SLC38A10: variants seen among roughly 807,000 people sequenced by gnomAD.
SLC38A10 encodes solute carrier family 38 member 10.
Under a neutral mutation model 81.0 loss-of-function variants are expected in SLC38A10, and 53 were observed. The ratio of observed to expected loss-of-function variants is 0.65; its 90% CI spans 0.53 to 0.82. SLC38A10 has a LOEUF of 0.82. Among genes scored for constraint, SLC38A10 ranks in the 40% least tolerant of loss-of-function variants. SLC38A10 has a pLI of 0.00. For missense variants in SLC38A10, 1,471 were observed against 1,545.0 expected, an observed-to-expected ratio of 0.95 and a Z score of 0.80; for synonymous variants, 665 against 655.3, an observed-to-expected ratio of 1.01 and a Z score of -0.23.
intron 11 of SLC38A10, among the ~76,000 whole-genome samples, chr17:81,254,435 T>G (rs141752668): frequency 6.6e-6 from 1 of 152,348 alleles, no homozygotes; most frequent in Non-Finnish European, 1.5e-5. Context: ...GCTCTACAGT[T>G]TAGTTAAAGT....
At chr17:81,248,046 C>T (rs1306033621) in intron 14 of SLC38A10, among the ~76,000 whole-genome samples, 1 of 148,582 alleles carries the variant, frequency 6.7e-6, no homozygotes, top group Non-Finnish European at 1.5e-5. Flanking sequence ...CAAGCTCCGC[C>T]TCCCGGGTTC....
intron 1 of SLC38A10, among the ~76,000 whole-genome samples, chr17:81,290,883 G>A (rs577885131): frequency 1.3e-5 from 2 of 152,280 alleles, no homozygotes; most frequent in Non-Finnish European, 2.9e-5. Flanking sequence ...GTGTGTGCCT[G>A]TAATCCCAGC....
chr17:81,252,996 C>A (rs376700058), intron 12 of SLC38A10, 77 bp downstream of exon 12: 1 of 1,541,042 alleles, frequency 6.5e-7, no homozygotes, highest in Admixed American at 1.7e-5. Context: ...TGAGAGCCAC[C>A]CCGCAGGGTG....
intron 10 of SLC38A10, among the ~76,000 whole-genome samples, chr17:81,262,749 G>A (rs891371466): frequency 3.3e-5 from 5 of 152,206 alleles, no homozygotes; most frequent in African/African-American, 4.8e-5. Flanking sequence ...AGCAAGACCC[G>A]GCCCCTCCAG....
In SLC38A10 at chr17:81,253,280, A is replaced by C. The variant is rs374440954; in HGVS notation, c.1289-40T>G. 307 of 1,601,452 alleles carry C rather than the reference A, an allele frequency of 1.9e-4. No individual in the cohort carries two copies. The highest frequency in any genetic ancestry group is 2.3e-4 in the Non-Finnish European group (266 of 1,171,360). ...CAGTTAGGGAACTGCACTGCCAAGC[A>C]GCTCCAGGAGCGGGGCAGCTCTCCC... is the stretch of plus-strand genomic sequence containing the variant. On this transcript the variant is annotated intron_variant, in intron 11 of 15. Coordinates refer to ENST00000374759, the MANE Select transcript of SLC38A10 (RefSeq NM_001037984.3). The surrounding 1 kb of genome is among the most constrained non-coding windows in gnomAD (Gnocchi z 4.1).
rs769188143 is a variant in SLC38A10 at position 81,246,545 on chromosome 17, G to T, written c.2371C>A (p.Arg791Ser). The change falls in exon 16 of 16, where the codon CGC (arginine) becomes AGC (serine). Residue 791 changes from arginine (R) to serine (S), a missense_variant. By Grantham distance (110) the Arg-to-Ser change is moderately radical. Coordinates refer to ENST00000374759, the MANE Select transcript of SLC38A10 (RefSeq NM_001037984.3). ...TTAAGGTCCTGGGATGGAGCAGGGC[G>T]GCCCCCAGGAGCTCTGAGGACAGGG... is the stretch of plus-strand genomic sequence containing the variant. ...LDPVLRAPGG[R>S]PAPSQDLNQR... 2 of 1,517,222 alleles carry T rather than the reference G, an allele frequency of 1.3e-6. No individual in the cohort carries two copies. The highest frequency in any genetic ancestry group is 8.8e-7 in the Non-Finnish European group (1 of 1,134,422). The allele number at this position is 1,517,222 out of a possible 1,614,324, so 94.0% of individuals were successfully genotyped here.
Position 81,246,875 on chromosome 17 carries a change from C to T in SLC38A10, c.2242+10G>A. ...GGCCCCACCCCACTCCATCCGCCAG[C>T]CCGGCCTACCCTGCCTGGGTTTATC... On this transcript the variant is annotated intron_variant, in intron 15 of 15. Transcript: ENST00000374759. 6.3e-7 allele frequency: 1 copy of T among 1,577,766 alleles called. No homozygotes were observed. The highest frequency in any genetic ancestry group is 8.6e-7 in the Non-Finnish European group (1 of 1,158,592).
chr17:81,294,734 C>A, intron 1 of SLC38A10, 89 bp downstream of exon 1: 2 of 1,250,516 alleles, frequency 1.6e-6, no homozygotes, highest in Non-Finnish European at 1.1e-6. Context: ...AAGCCCTGCC[C>A]CGGCGGGAAC....
intron 11 of SLC38A10, among the ~76,000 whole-genome samples, chr17:81,259,527 G>A (rs2063002236): frequency 6.6e-6 from 1 of 152,192 alleles, no homozygotes; most frequent in Non-Finnish European, 1.5e-5. Context: ...TGCCTGCAGG[G>A]CCGCCTTGTG....
rs1172045396 is a variant in SLC38A10, at chr17:81,270,154, C to CAG, written c.1131+762_1131+763dup. ...GCCTGGAAGGTCCTGGGTGCAGGGA[C>CAG]AGAGGCCTTGAGCCTGGCTGGGAGT... is the stretch of plus-strand genomic sequence containing the variant. On this transcript the variant is annotated intron_variant, in intron 10 of 15. Coordinates refer to ENST00000374759, the MANE Select transcript of SLC38A10 (RefSeq NM_001037984.3). The surrounding 1 kb of genome is among the most constrained non-coding windows in gnomAD (Gnocchi z 4.0). Among the ~76,000 whole-genome samples, 1 of 152,172 alleles carries CAG rather than the reference C, an allele frequency of 6.6e-6. No homozygotes were observed. The highest frequency in any genetic ancestry group is 1.9e-4 in the East Asian group (1 of 5,190).
At position 81,280,638 on chromosome 17, in the gene SLC38A10, G is replaced by A; in HGVS notation, c.597C>T (p.Pro199=). The A allele has an allele frequency of 6.2e-7, 1 of 1,612,734 alleles. No homozygotes were observed. Among genetic ancestry groups the A allele is most frequent in the South Asian group, 1.1e-5 (1 of 91,032 alleles). The change falls in exon 6 of 16, where the codon CCC becomes CCT. Residue 199 remains proline, a synonymous_variant. Transcript: ENST00000374759. ...VRWEGVFRCI[P]IFGMSFACQS... ...GGCAGGCGAAGGACATGCCGAAGAT[G>A]GGGATGCAGCGGAAGACGCCCTCCC... is the stretch of plus-strand genomic sequence containing the variant.
rs781674134 is a variant in SLC38A10, at chr17:81,283,464, T to G, written c.302A>C (p.Tyr101Ser). The stretch of plus-strand genomic sequence containing the variant: ...GGACCCCAAGTCGCCGATCACGACG[T>G]AGAAGGCGATGCAGGTGCCCAGCAT... ...GLMLGTCIAFYVVIGDLGSNF... is the reference protein window; with the variant it reads ...GLMLGTCIAFSVVIGDLGSNF... Residue 101 changes from tyrosine (Y) to serine (S), a missense_variant, in exon 4 of 16, where the codon TAC becomes TCC. Physicochemically the swap from Tyr to Ser is moderately radical, Grantham distance 144 (BLOSUM62 -2). This residue lies in a region of SLC38A10 where 720 missense variants were observed against 827.7 expected (regional missense o/e 0.87). Transcript: ENST00000374759. This position sits in a 1 kb window ranked among gnomAD's most constrained non-coding sequence, Gnocchi z 4.7. The G allele has an allele frequency of 1.2e-6, 2 of 1,612,162 alleles. No homozygotes were observed. The highest frequency in any genetic ancestry group is 3.3e-5 in the Admixed American group (2 of 59,864).
At position 81,245,957 on chromosome 17, in the gene SLC38A10, T is replaced by G. The variant is rs1371516915; in HGVS notation, c.2959A>C (p.Lys987Gln). The G allele has an allele frequency of 1.2e-6, 2 of 1,604,772 alleles. No individual in the cohort carries two copies. Among genetic ancestry groups the G allele is most frequent in the Non-Finnish European group, 1.7e-6 (2 of 1,174,712 alleles). ...GGCACATGGTCCCCCCCGCGGGCCT[T>G]TCTCATCTCCAGGTGACCGCCATGG... ...LDHGGHLEMR[K>Q]ARGGDHVPVS... The change falls in exon 16 of 16, where the codon AAG (lysine) becomes CAG (glutamine). Residue 987 changes from lysine to glutamine, a missense_variant. This residue lies in a region of SLC38A10 where 751 missense variants were observed against 717.4 expected (regional missense o/e 1.05). Coordinates refer to ENST00000374759, the MANE Select transcript of SLC38A10 (RefSeq NM_001037984.3).
intron 10 of SLC38A10, among the ~76,000 whole-genome samples, chr17:81,262,462 C>T (rs554894814): frequency 3.3e-5 from 5 of 152,366 alleles, no homozygotes; most frequent in South Asian, 4.1e-4. Flanking sequence ...AGCATACCCT[C>T]GCCTCGTCCC....
chr17:81,249,325 GGAA>G (rs2062884551), intron 14 of SLC38A10, among the ~76,000 whole-genome samples: 1 of 35,142 alleles, frequency 2.8e-5, no homozygotes, highest in African/African-American at 1.9e-4. Flanking sequence ...GGGAAGAGGA[GGAA>G]GGAGGGAAGA....
intron 11 of SLC38A10, among the ~76,000 whole-genome samples, chr17:81,256,597 G>A (rs923270617): frequency 3.3e-5 from 5 of 152,194 alleles, no homozygotes; most frequent in Admixed American, 6.5e-5. Context: ...CTCAAGTGCC[G>A]CCCCAAGTTC....
chr17:81,259,314 G>A (rs920022940), intron 11 of SLC38A10, among the ~76,000 whole-genome samples: 2 of 152,188 alleles, frequency 1.3e-5, no homozygotes, highest in African/African-American at 2.4e-5. Flanking sequence ...GGCAGATGAC[G>A]CCCAGCGAAT....
In SLC38A10 at chr17:81,245,619, T is replaced by TC. The variant is rs769846905; in HGVS notation, c.3296dup (p.Ala1100SerfsTer11). 6.2e-6 allele frequency: 10 copies of TC among 1,611,726 alleles called. No homozygotes were observed. The East Asian group carries it at 6.7e-5, about 11-fold the overall frequency. ...GCCGGCTGTGGACCACCTGCAGAGC[T>TC]CCCCCCGCAGCCTGGCGGAGCTGGG... On this transcript the variant is annotated frameshift_variant, in exon 16 of 16. Transcript: ENST00000374759. LOFTEE classifies it low-confidence loss of function (END_TRUNC).
At chr17:81,274,931 G>A (rs1224493662) in intron 8 of SLC38A10, among the ~76,000 whole-genome samples, 3 of 152,170 alleles carry the variant, frequency 2.0e-5, no homozygotes, top group Admixed American at 6.5e-5. Context: ...TTTAGACACA[G>A]GGTCTCACTT....
Sources: allele counts gnomAD v4.1 joint callset (sites outside exome capture counted in the v4.1 genomes callset), GRCh38; gene constraint gnomAD v4.1.1; regional missense constraint gnomAD v4.1.1; non-coding constraint Gnocchi (gnomAD v3.1); transcripts MANE v1.5; gene names NCBI Gene and HGNC (gene_info 2026-07-23, HGNC 2026-07-21).